ADGRB3: variants seen among roughly 807,000 people sequenced by gnomAD.
The protein encoded by ADGRB3 is brain-specific angiogenesis inhibitor 3.
ADGRB3 carries 37 observed loss-of-function variants against 193.4 expected under a neutral mutation model. The ratio of observed to expected loss-of-function variants is 0.19; its 90% CI spans 0.15 to 0.25. ADGRB3 has a LOEUF of 0.25. ADGRB3 is among the 10% of genes least tolerant of loss of function. The probability of loss-of-function intolerance (pLI) is 1.00; values close to 1 mark genes in which losing one functional copy is unlikely to be tolerated. For synonymous variants in ADGRB3, 690 were observed against 644.2 expected, an observed-to-expected ratio of 1.07 and a Z score of -1.08; for missense variants, 1,637 against 1,852.9, an observed-to-expected ratio of 0.88 and a Z score of 2.14.
chr6:69,293,717 G>T (rs1321980), intron 20 of ADGRB3, among the ~76,000 whole-genome samples: 1 of 151,972 alleles, frequency 6.6e-6, no homozygotes, highest in Admixed American at 6.6e-5. Context: ...TGGCTCTGGG[G>T]TTCTGTGCTG....
chr6:69,064,413 T>TA (rs1771839038), intron 16 of ADGRB3, among the ~76,000 whole-genome samples: 1 of 151,920 alleles, frequency 6.6e-6, no homozygotes, highest in Admixed American at 6.6e-5. Flanking sequence ...TTTGTCAAAA[T>TA]GTGACCATAC....
chr6:68,829,792 T>G (rs1173965765), intron 3 of ADGRB3, among the ~76,000 whole-genome samples: 1 of 152,138 alleles, frequency 6.6e-6, no homozygotes, highest in South Asian at 2.1e-4. Flanking sequence ...TTTTCCACAT[T>G]TATCTAAAAT....
chr6:69,033,264 T>C (rs1405505702), intron 13 of ADGRB3, among the ~76,000 whole-genome samples: 1 of 152,156 alleles, frequency 6.6e-6, no homozygotes, highest in African/African-American at 2.4e-5. Flanking sequence ...TAAAAAGCTA[T>C]TCTTCTTTGT....
chr6:68,760,582 T>C (rs1766378414), intron 3 of ADGRB3, among the ~76,000 whole-genome samples: 1 of 152,210 alleles, frequency 6.6e-6, no homozygotes, highest in Admixed American at 6.6e-5. Flanking sequence ...GTTCAACTCA[T>C]CTTGCTTTTT....
At chr6:69,269,525 G>T (rs953851372) in intron 20 of ADGRB3, among the ~76,000 whole-genome samples, 1 of 152,070 alleles carries the variant, frequency 6.6e-6, no homozygotes, top group Non-Finnish European at 1.5e-5. Flanking sequence ...AATTTGAATT[G>T]CATAAATGCA....
intron 20 of ADGRB3, among the ~76,000 whole-genome samples, chr6:69,251,691 T>C (rs1246338226): frequency 6.6e-6 from 1 of 152,142 alleles, no homozygotes; most frequent in Non-Finnish European, 1.5e-5. Flanking sequence ...CAACATAGTG[T>C]TTTGATATAA....
At chr6:69,192,615 A>C (rs1326808840) in intron 17 of ADGRB3, among the ~76,000 whole-genome samples, 6 of 152,158 alleles carry the variant, frequency 3.9e-5, no homozygotes, top group Admixed American at 3.3e-4. Context: ...AATGGTTCTA[A>C]ACTTTGAGTC....
intron 12 of ADGRB3, among the ~76,000 whole-genome samples, chr6:69,016,548 T>C (rs1159948536): frequency 6.6e-6 from 1 of 151,850 alleles, no homozygotes; most frequent in African/African-American, 2.4e-5. Flanking sequence ...AAAGAAAAAA[T>C]AACCTCCTTA....
chr6:69,260,312 C>T (rs969766108), intron 20 of ADGRB3, among the ~76,000 whole-genome samples: 1 of 152,110 alleles, frequency 6.6e-6, no homozygotes, highest in African/African-American at 2.4e-5. Context: ...TTATAGGGTC[C>T]TACCTTCCAG....
intron 3 of ADGRB3, among the ~76,000 whole-genome samples, chr6:68,887,650 CTCTT>C (rs1765948047): frequency 6.7e-6 from 1 of 149,586 alleles, no homozygotes; most frequent in Admixed American, 6.6e-5. Flanking sequence ...TTTGACTTAA[CTCTT>C]TGTTTAATAT....
chr6:69,151,863 G>C (rs1227776946), intron 17 of ADGRB3, among the ~76,000 whole-genome samples: 1 of 152,162 alleles, frequency 6.6e-6, no homozygotes, highest in African/African-American at 2.4e-5. Context: ...GGACCCAGTG[G>C]GAGGTAATTT....
intron 3 of ADGRB3, among the ~76,000 whole-genome samples, chr6:68,886,202 C>T (rs1292129780): frequency 6.6e-6 from 1 of 152,096 alleles, no homozygotes; most frequent in Non-Finnish European, 1.5e-5. Flanking sequence ...GGTATTTAGA[C>T]TTGCTTGTAC....
At chr6:68,993,250 C>A (rs573663782) in intron 10 of ADGRB3, among the ~76,000 whole-genome samples, 184 of 151,932 alleles carry the variant, frequency 1.2e-3, no homozygotes, top group Middle Eastern at 3.4e-3. Flanking sequence ...TAGTAAATCT[C>A]CAAAGTTTAA....
chr6:69,224,473 A>G (rs1172450390), intron 17 of ADGRB3, among the ~76,000 whole-genome samples: 1 of 152,208 alleles, frequency 6.6e-6, no homozygotes, highest in Non-Finnish European at 1.5e-5. Context: ...GAAAAAATAT[A>G]CAAACAGAAT....
At chr6:69,244,968 A>T (rs1766465200) in intron 20 of ADGRB3, among the ~76,000 whole-genome samples, 1 of 151,890 alleles carries the variant, frequency 6.6e-6, no homozygotes. Context: ...ATATTTCCTC[A>T]TGTCCAATTT....
intron 17 of ADGRB3, among the ~76,000 whole-genome samples, chr6:69,220,604 A>G (rs543008934): frequency 1.3e-5 from 2 of 152,192 alleles, no homozygotes; most frequent in East Asian, 3.9e-4. Flanking sequence ...GAATCACCTC[A>G]TTCTCTGAGC....
chr6:69,236,536 A>T (rs1766271651), intron 19 of ADGRB3, among the ~76,000 whole-genome samples: 1 of 152,054 alleles, frequency 6.6e-6, no homozygotes, highest in South Asian at 2.1e-4. Flanking sequence ...CCTCTACCAC[A>T]ATTGTTTAAA....
chr6:69,254,025 T>G (rs1194238532), intron 20 of ADGRB3, among the ~76,000 whole-genome samples: 7 of 152,134 alleles, frequency 4.6e-5, no homozygotes, highest in African/African-American at 7.2e-5. Flanking sequence ...GCACACTTTT[T>G]ACATGGAAGC....
At chr6:69,354,835 A>G (rs997964517) in intron 27 of ADGRB3, among the ~76,000 whole-genome samples, 9 of 152,168 alleles carry the variant, frequency 5.9e-5, no homozygotes, top group African/African-American at 2.2e-4. Context: ...CCACTCTTTT[A>G]GTGAAAGACC....
Sources: gnomAD v4.1 joint callset for allele counts (sites outside exome capture counted in the v4.1 genomes callset) on GRCh38, gnomAD v4.1.1 for gene constraint, MANE v1.5 for transcripts, NCBI Gene and HGNC (gene_info 2026-07-23, HGNC 2026-07-21) for gene names.